EPHA6: variants seen among roughly 807,000 people sequenced by gnomAD.
EPHA6 encodes the protein EPH receptor A6.
A neutral mutation model predicts 112.0 loss-of-function variants in EPHA6; 50 were observed. The ratio of observed to expected loss-of-function variants is 0.45; its 90% confidence interval spans 0.36 to 0.56. The LOEUF is 0.56. Ranked by LOEUF, EPHA6 falls within the 20% of genes least tolerant of loss-of-function variation. The probability of loss-of-function intolerance (pLI) is 0.00; values close to 1 mark genes in which losing one functional copy is unlikely to be tolerated. For synonymous variants in EPHA6, 529 were observed against 490.7 expected, an observed-to-expected ratio of 1.08 and a Z score of -1.03; for missense variants, 1,280 against 1,417.4, an observed-to-expected ratio of 0.90 and a Z score of 1.56.
chr3:97,652,767 T>C (rs1257396376), intron 14 of EPHA6, among the ~76,000 whole-genome samples: 2 of 152,036 alleles, frequency 1.3e-5, no homozygotes, highest in African/African-American at 4.8e-5. Flanking sequence ...GGATCTCAGA[T>C]GAAATTGCTG....
intron 10 of EPHA6, among the ~76,000 whole-genome samples, chr3:97,503,892 GA>G (rs2092184306): frequency 6.6e-6 from 1 of 151,888 alleles, no homozygotes; most frequent in African/African-American, 2.4e-5. Flanking sequence ...ATAACAATTG[GA>G]AGACTTAAAT....
intron 3 of EPHA6, among the ~76,000 whole-genome samples, chr3:97,001,016 T>TTATATATATATATATA (rs1334953124): frequency 3.2e-4 from 27 of 83,210 alleles, no homozygotes; most frequent in African/African-American, 2.1e-3. Flanking sequence ...AGTCAGAAAT[T>TTATATATATATATATA]GATATATATA....
At chr3:97,165,444 T>G (rs1157572732) in intron 3 of EPHA6, among the ~76,000 whole-genome samples, 2 of 152,174 alleles carry the variant, frequency 1.3e-5, no homozygotes, top group African/African-American at 4.8e-5. Flanking sequence ...TAAAATTTAC[T>G]TAATTGATAT....
At chr3:96,852,236 A>G (rs968861244) in intron 1 of EPHA6, among the ~76,000 whole-genome samples, 1 of 151,964 alleles carries the variant, frequency 6.6e-6, no homozygotes, top group Non-Finnish European at 1.5e-5. Flanking sequence ...GCTCATGTCT[A>G]TATTCCCAGC....
intron 2 of EPHA6, among the ~76,000 whole-genome samples, chr3:96,936,229 A>G (rs2040574493): frequency 6.6e-6 from 1 of 152,126 alleles, no homozygotes; most frequent in Non-Finnish European, 1.5e-5. Flanking sequence ...AGTTAAGTAC[A>G]TTAAAGTTCA....
intron 2 of EPHA6, among the ~76,000 whole-genome samples, chr3:96,912,340 A>G (rs1026693068): frequency 1.3e-5 from 2 of 152,142 alleles, no homozygotes; most frequent in Non-Finnish European, 2.9e-5. Context: ...CTAATTGCCA[A>G]TCAATAGTGA....
At chr3:97,022,442 C>T (rs1047131323) in intron 3 of EPHA6, among the ~76,000 whole-genome samples, 28 of 152,144 alleles carry the variant, frequency 1.8e-4, no homozygotes, top group African/African-American at 6.3e-4. Flanking sequence ...ATGCCAATCT[C>T]AAATTATACT....
Position 97,718,427 on chromosome 3 carries a change from T to A in EPHA6, c.2785-1834T>A, listed in dbSNP as rs143131805. 6.3e-3 allele frequency among the ~76,000 whole-genome samples: 958 copies of A among 152,306 alleles called. 9 individuals are homozygous for A. The highest frequency in any genetic ancestry group is 0.021 in the African/African-American group (891 of 41,554). ...TAAATAAAAATATAGAGTGCCCAGT[T>A]AAGTTTGAATTGCAGATAAACAATG... On this transcript the variant is annotated intron_variant, in intron 14 of 17. Coordinates refer to ENST00000389672, the MANE Select transcript of EPHA6 (RefSeq NM_001080448.3).
chr3:97,542,092 T>A (rs1005983284), intron 11 of EPHA6, among the ~76,000 whole-genome samples: 1 of 131,628 alleles, frequency 7.6e-6, no homozygotes, highest in Admixed American at 7.6e-5. Context: ...TCATGTTTTT[T>A]TGTTTTTTTT....
chr3:97,345,948 TTCAAGACTATCTTGAAAAAA>T (rs2083510681), intron 5 of EPHA6, among the ~76,000 whole-genome samples: 3 of 152,164 alleles, frequency 2.0e-5, no homozygotes, highest in Admixed American at 2.0e-4. Flanking sequence ...CATAACCTTT[TTCAAGACTATCTTGAAAAAA>T]TTGTCACAAA....
At chr3:97,363,354 C>T (rs2084514524) in intron 5 of EPHA6, among the ~76,000 whole-genome samples, 1 of 150,214 alleles carries the variant, frequency 6.7e-6, no homozygotes, top group Non-Finnish European at 1.5e-5. Flanking sequence ...GAAATGCAGG[C>T]TTATGGGGCA....
intron 13 of EPHA6, among the ~76,000 whole-genome samples, chr3:97,611,853 T>G (rs2107462499): frequency 6.6e-6 from 1 of 152,056 alleles, no homozygotes; most frequent in East Asian, 1.9e-4. Context: ...CATCTCATCT[T>G]TCTCTCTTGA....
chr3:97,429,587 G>A (rs943019725), intron 6 of EPHA6, among the ~76,000 whole-genome samples: 1 of 152,122 alleles, frequency 6.6e-6, no homozygotes, highest in African/African-American at 2.4e-5. Flanking sequence ...AGATAGAAAA[G>A]AAAGATGTTT....
At chr3:97,619,433 A>G (rs1269045042) in intron 13 of EPHA6, among the ~76,000 whole-genome samples, 111 of 113,304 alleles carry the variant, frequency 9.8e-4, no homozygotes, top group South Asian at 3.0e-3. Flanking sequence ...CAATAGAAAA[A>G]GGGGGGGGGG....
chr3:97,587,248 A>G (rs1316870690), intron 11 of EPHA6, among the ~76,000 whole-genome samples: 1 of 152,134 alleles, frequency 6.6e-6, no homozygotes, highest in African/African-American at 2.4e-5. Context: ...CTCAAAAAAA[A>G]AAAAAGAAAC....
chr3:97,030,574 T>C (rs2044792722), intron 3 of EPHA6, among the ~76,000 whole-genome samples: 1 of 152,038 alleles, frequency 6.6e-6, no homozygotes, highest in South Asian at 2.1e-4. Flanking sequence ...CCAGAATATC[T>C]AGCATAATCT....
chr3:97,062,024 G>A (rs1219145344), intron 3 of EPHA6, among the ~76,000 whole-genome samples: 1 of 152,154 alleles, frequency 6.6e-6, no homozygotes, highest in Non-Finnish European at 1.5e-5. Context: ...AAGAGAGAAA[G>A]GAGGTGAAGA....
At chr3:97,531,369 G>C (rs2092692918) in intron 10 of EPHA6, among the ~76,000 whole-genome samples, 1 of 151,840 alleles carries the variant, frequency 6.6e-6, no homozygotes, top group Admixed American at 6.6e-5. Flanking sequence ...CTGTCTCCTT[G>C]CTGCCCTGTG....
intron 12 of EPHA6, among the ~76,000 whole-genome samples, chr3:97,595,234 A>G (rs929768543): frequency 1.3e-5 from 2 of 152,224 alleles, no homozygotes; most frequent in South Asian, 2.1e-4. Flanking sequence ...GTAAAGGGTT[A>G]TTATTCTTAG....
Sources: gnomAD v4.1 joint callset for allele counts (sites outside exome capture counted in the v4.1 genomes callset) on GRCh38, gnomAD v4.1.1 for gene constraint, MANE v1.5 for transcripts, NCBI Gene and HGNC (gene_info 2026-07-23, HGNC 2026-07-21) for gene names.